The following NBEA variants were observed in gnomAD, a reference collection of about 807,000 sequenced individuals.
NBEA encodes the protein lysosomal-trafficking regulator 2.
Under a neutral mutation model 343.4 loss-of-function variants are expected in NBEA, and 44 were observed. The ratio of observed to expected loss-of-function variants is 0.13; its 90% CI spans 0.10 to 0.16. NBEA has a LOEUF of 0.16. Ranked by LOEUF, NBEA falls within the 10% of genes least tolerant of loss-of-function variation. The pLI is 1.00. For missense variants in NBEA, 2,555 were observed against 3,631.3 expected (o/e 0.70, Z 7.62); for synonymous variants, 1,175 against 1,238.7 (o/e 0.95, Z 1.08).
intron 1 of NBEA, among the ~76,000 whole-genome samples, chr13:34,962,328 GTCAT>G (rs2059688225): frequency 6.6e-6 from 1 of 151,884 alleles, no homozygotes; most frequent in Admixed American, 6.6e-5. Flanking sequence ...TATTGTTCAA[GTCAT>G]TCATACTTTG....
chr13:35,085,793 G>A (rs1297458229), intron 10 of NBEA, among the ~76,000 whole-genome samples: 1 of 152,076 alleles, frequency 6.6e-6, no homozygotes, highest in Non-Finnish European at 1.5e-5. Context: ...AAGTCAAATT[G>A]TCCCTGTTTG....
chr13:35,253,943 G>A (rs2032278638), intron 34 of NBEA, among the ~76,000 whole-genome samples: 1 of 152,138 alleles, frequency 6.6e-6, no homozygotes, highest in Admixed American at 6.5e-5. Context: ...CGTGATCCAA[G>A]TTGAATAAAG....
rs117061006 is a variant in NBEA at position 35,583,107 on chromosome 13, A to G, written c.7036-791A>G. ...TATACCATTAATCCAAAATCAGACA[A>G]AAACTGAAGCTAAGGCAGTTTGCTA... On this transcript the variant is annotated intron_variant, in intron 45 of 58. Transcript: ENST00000379939. Among the ~76,000 whole-genome samples the G allele has an allele frequency of 3.3e-3, 500 of 152,318 alleles. 3 individuals are homozygous for G. Among genetic ancestry groups the G allele is most frequent in the Non-Finnish European group, 5.9e-3 (403 of 68,014 alleles).
rs114016732 is a variant in NBEA, at chr13:35,281,637, T to C, written c.5777-8752T>C. Among the ~76,000 whole-genome samples, 226 of 152,246 alleles carry C rather than the reference T, an allele frequency of 1.5e-3. 1 individual carries two copies. Among genetic ancestry groups the C allele is most frequent in the African/African-American group, 5.3e-3 (221 of 41,558 alleles). On this transcript the variant is annotated intron_variant, in intron 34 of 58. Coordinates refer to ENST00000379939, the MANE Select transcript of NBEA (RefSeq NM_001385012.1). ...GTGAATATCTTTTTATGAAGAGTGA[T>C]ACATAGCATTTCCATTTTACATGAT...
chr13:35,278,754 A>G (rs1776231949), intron 34 of NBEA, among the ~76,000 whole-genome samples: 1 of 152,216 alleles, frequency 6.6e-6, no homozygotes, highest in African/African-American at 2.4e-5. Context: ...AGAACTATGT[A>G]TGCTTTAGCA....
intron 35 of NBEA, among the ~76,000 whole-genome samples, chr13:35,295,244 T>C (rs574195064): frequency 6.6e-5 from 10 of 151,162 alleles, no homozygotes; most frequent in African/African-American, 1.2e-4. Context: ...ATATAAAATA[T>C]TGTAGTGTGT....
Position 35,041,005 on chromosome 13 carries a change from G to C in NBEA, c.367G>C (p.Glu123Gln). Residue 123 changes from glutamate (E) to glutamine (Q), a missense_variant, in exon 2 of 59, where the codon GAG becomes CAG. Coordinates refer to ENST00000379939, the MANE Select transcript of NBEA (RefSeq NM_001385012.1). Reference sequence around the variant, plus strand: ...TGCTGAGAGTATAACATGTATGACAGAGCTTTTGGAGCACTGTGATGTAAC... The same window carrying C: ...TGCTGAGAGTATAACATGTATGACACAGCTTTTGGAGCACTGTGATGTAAC... ...QDAESITCMT[E>Q]LLEHCDVTCQ... 2 of 1,613,208 alleles carry C rather than the reference G, an allele frequency of 1.2e-6. No individual in the cohort carries two copies. The highest frequency in any genetic ancestry group is 1.7e-6 in the Non-Finnish European group (2 of 1,179,440).
At chr13:34,974,640 AATG>A (rs1331850649) in intron 1 of NBEA, among the ~76,000 whole-genome samples, 3 of 152,214 alleles carry the variant, frequency 2.0e-5, no homozygotes, top group African/African-American at 7.2e-5. Flanking sequence ...TACATACAAA[AATG>A]ATGATGAAAT....
chr13:35,667,226 A>G (rs994511100), intron 56 of NBEA, 148 bp from the exon 57 acceptor site: 14 of 631,066 alleles, frequency 2.2e-5, no homozygotes, highest in Non-Finnish European at 3.6e-5. Flanking sequence ...TAAATGTAGC[A>G]TCAGCGCTTG....
At chr13:35,385,658 A>G (rs1011494762) in intron 38 of NBEA, among the ~76,000 whole-genome samples, 3 of 152,156 alleles carry the variant, frequency 2.0e-5, no homozygotes, top group Admixed American at 2.0e-4. Flanking sequence ...AGCCATGATC[A>G]CATCGCTGCA....
intron 17 of NBEA, among the ~76,000 whole-genome samples, chr13:35,136,190 G>C (rs560507881): frequency 1.3e-5 from 2 of 152,124 alleles, no homozygotes; most frequent in African/African-American, 2.4e-5. Flanking sequence ...GAGTGACTTC[G>C]TAAGTATCCT....
At chr13:35,006,988 G>A (rs945954686) in intron 1 of NBEA, among the ~76,000 whole-genome samples, 8 of 152,318 alleles carry the variant, frequency 5.3e-5, no homozygotes, top group Admixed American at 2.6e-4. Flanking sequence ...CGAACAATAT[G>A]TTGCTGCTTC....
chr13:35,399,727 C>T (rs1594484754), intron 38 of NBEA, among the ~76,000 whole-genome samples: 1 of 152,236 alleles, frequency 6.6e-6, no homozygotes, highest in East Asian at 1.9e-4. Context: ...AGAGACCTCG[C>T]TTTTGGCCTG....
At chr13:35,614,329 A>T (rs1332626389) in intron 48 of NBEA, among the ~76,000 whole-genome samples, 1 of 152,198 alleles carries the variant, frequency 6.6e-6, no homozygotes, top group Non-Finnish European at 1.5e-5. Context: ...CAAGTTTATC[A>T]TCCTGAGTAC....
chr13:35,490,827 CA>C (rs1038223095), intron 41 of NBEA, among the ~76,000 whole-genome samples: 1 of 151,822 alleles, frequency 6.6e-6, no homozygotes, highest in African/African-American at 2.4e-5. Flanking sequence ...ACAGAGAATT[CA>C]AGTAACTCTT....
At chr13:35,194,501 T>G (rs2072437413) in intron 30 of NBEA, among the ~76,000 whole-genome samples, 1 of 152,142 alleles carries the variant, frequency 6.6e-6, no homozygotes, top group South Asian at 2.1e-4. Context: ...ATTTAGTCTG[T>G]GCTTCTCATT....
intron 41 of NBEA, among the ~76,000 whole-genome samples, chr13:35,528,601 C>T (rs1594890591): frequency 1.3e-5 from 2 of 152,050 alleles, no homozygotes; most frequent in Admixed American, 6.6e-5. Flanking sequence ...GTCAGTAGGC[C>T]ACAGCTCTTC....
At chr13:35,116,803 A>C (rs1314060398) in intron 13 of NBEA, among the ~76,000 whole-genome samples, 1 of 151,986 alleles carries the variant, frequency 6.6e-6, no homozygotes, top group African/African-American at 2.4e-5. Context: ...TAGTAATTAA[A>C]TATTTTGAAA....
intron 30 of NBEA, among the ~76,000 whole-genome samples, chr13:35,193,304 T>C (rs2072334842): frequency 6.6e-6 from 1 of 151,922 alleles, no homozygotes; most frequent in Non-Finnish European, 1.5e-5. Flanking sequence ...TTTATCAACT[T>C]CCAAAATTTT....
Sources: allele counts gnomAD v4.1 joint callset (sites outside exome capture counted in the v4.1 genomes callset), GRCh38; gene constraint gnomAD v4.1.1; transcripts MANE v1.5; gene names NCBI Gene and HGNC (gene_info 2026-07-23, HGNC 2026-07-21).